PLAGL1: variants seen among roughly 807,000 people sequenced by gnomAD.
The protein encoded by PLAGL1 is zinc finger protein PLAGL1.
PLAGL1 carries 1 observed loss-of-function variant against 4.6 expected under a neutral mutation model. That is an observed-to-expected ratio of 0.22 (90% CI 0.08 to 1.03). PLAGL1 has a LOEUF of 1.03. Among genes scored for constraint, PLAGL1 ranks in the 50% least tolerant of loss-of-function variants. PLAGL1 has a pLI of 0.58. For synonymous variants in PLAGL1, 240 were observed against 237.8 expected (o/e 1.01, Z -0.08); for missense variants, 464 against 570.4 (o/e 0.81, Z 1.90).
rs1785237632 is a variant in PLAGL1, at chr6:143,970,595, G to A, written c.-543-1617C>T. Among the ~76,000 whole-genome samples the A allele has an allele frequency of 6.6e-6, 1 of 152,058 alleles. No individual in the cohort carries two copies. The highest frequency in any genetic ancestry group is 1.5e-5 in the Non-Finnish European group (1 of 67,998). On this transcript the variant is annotated intron_variant, in intron 2 of 7. Transcript: ENST00000674357. The surrounding 1 kb of genome is among the most constrained non-coding windows in gnomAD (Gnocchi z 5.8). Reference sequence around the variant, plus strand: ...ACGTTTATTAGGGCTGCTTTATTTGGTCAGTCTGGGTGGACGGGAAACTGT... The same window carrying A: ...ACGTTTATTAGGGCTGCTTTATTTGATCAGTCTGGGTGGACGGGAAACTGT...
chr6:143,951,701 C>T (rs759683071), intron 6 of PLAGL1, among the ~76,000 whole-genome samples: 10 of 152,184 alleles, frequency 6.6e-5, no homozygotes, highest in Admixed American at 2.0e-4. Context: ...TTAGACATGG[C>T]CATGGTTTAA....
rs1168843033 is a variant in PLAGL1 at position 143,957,293 on chromosome 6, G to A, written c.-325+3176C>T. Among the ~76,000 whole-genome samples the A allele has an allele frequency of 9.4e-6, 1 of 106,176 alleles. No individual in the cohort carries two copies. Among genetic ancestry groups the A allele is most frequent in the African/African-American group, 3.1e-5 (1 of 32,770 alleles). 69.7% of individuals were successfully genotyped at this position (106,176 alleles called of 152,430 possible). ...TATTTATGAATGAAGACTCTCAGGA[G>A]TCTGGTGGGGGGGTGAGGGGTGGAG... On this transcript the variant is annotated intron_variant, in intron 6 of 7. Transcript: ENST00000674357. The surrounding 1 kb of genome is among the most constrained non-coding windows in gnomAD (Gnocchi z 4.2).
rs1778327534 is a variant in PLAGL1 at position 143,940,351 on chromosome 6, C to A, written c.*1073G>T. The A allele has an allele frequency of 6.6e-6, 1 of 152,046 alleles. No individual in the cohort carries two copies. Among genetic ancestry groups the A allele is most frequent in the Non-Finnish European group, 1.5e-5 (1 of 68,016 alleles). The allele number at this position is 152,046 out of a possible 1,614,324, so 9.4% of individuals were successfully genotyped here. On this transcript the variant is annotated 3_prime_UTR_variant, in exon 8 of 8. Transcript: ENST00000674357. The stretch of plus-strand genomic sequence containing the variant: ...TGTAAGATATATGTTTACGGAAAAG[C>A]CTCTAAAAACATAAGACAATGGAGC...
rs964412805 is a variant in PLAGL1 at position 144,061,038 on chromosome 6, T to C, written c.-151+3430A>G. On this transcript the variant is annotated intron_variant, in intron 1 of 3. Transcript: ENST00000437412. The surrounding 1 kb of genome is among the most constrained non-coding windows in gnomAD (Gnocchi z 4.4). Reference sequence around the variant, plus strand: ...CCTGCCCCCAAAAGGAGACCTCCACTTATAAGCCTCAGAAAGAAAAATGTA... The same window carrying C: ...CCTGCCCCCAAAAGGAGACCTCCACCTATAAGCCTCAGAAAGAAAAATGTA... 9.9e-5 allele frequency among the ~76,000 whole-genome samples: 15 copies of C among 152,218 alleles called. No homozygotes were observed. Among genetic ancestry groups the C allele is most frequent in the Non-Finnish European group, 1.3e-4 (9 of 68,040 alleles).
rs1045761871 is a variant in PLAGL1 at position 143,999,703 on chromosome 6, T to C, written c.-584+8387A>G. 3.3e-5 allele frequency among the ~76,000 whole-genome samples: 5 copies of C among 152,194 alleles called. 1 individual carries two copies. Among genetic ancestry groups the C allele is most frequent in the Admixed American group, 3.3e-4 (5 of 15,274 alleles). ...CACTTTATGACTCATGAATATTACA[T>C]GAAAAAATTAAAACAGTAAATTAAA... On this transcript the variant is annotated intron_variant, in intron 1 of 7. Transcript: ENST00000674357.
chr6:144,030,473 T>A, intron 1 of PLAGL1, among the ~76,000 whole-genome samples: 1 of 152,124 alleles, frequency 6.6e-6, no homozygotes, highest in South Asian at 2.1e-4. Context: ...TTACCCAATG[T>A]GTAGTCTTTT....
At position 143,948,360 on chromosome 6, in the gene PLAGL1, T is replaced by A. The variant is rs1196374510; in HGVS notation, c.-224A>T. On this transcript the variant is annotated 5_prime_UTR_variant, in exon 7 of 8. An upstream open reading frame in the 5' UTR loses its in-frame stop. Transcript: ENST00000674357. This position sits in a 1 kb window ranked among gnomAD's most constrained non-coding sequence, Gnocchi z 6.0. ...CACACATCCCAGTTTACATGCAGTC[T>A]CAAGCTGAGGGGAGAAAGTCTGAGG... 2.0e-6 allele frequency: 1 copy of A among 499,990 alleles called. No homozygotes were observed. Among genetic ancestry groups the A allele is most frequent in the Non-Finnish European group, 3.6e-6 (1 of 275,510 alleles). 31.0% of individuals were successfully genotyped at this position (499,990 alleles called of 1,614,324 possible).
In PLAGL1 at chr6:143,970,889, G is replaced by A. The variant is rs538208943; in HGVS notation, c.-543-1911C>T. Among the ~76,000 whole-genome samples the A allele has an allele frequency of 6.6e-6, 1 of 152,202 alleles. No individual in the cohort carries two copies. Among genetic ancestry groups the A allele is most frequent in the South Asian group, 2.1e-4 (1 of 4,816 alleles). On this transcript the variant is annotated intron_variant, in intron 2 of 7. Coordinates refer to ENST00000674357, the MANE Select transcript of PLAGL1 (RefSeq NM_001317162.2). The surrounding 1 kb of genome is among the most constrained non-coding windows in gnomAD (Gnocchi z 5.8). Reference sequence around the variant, plus strand: ...TTAACTGCAGTTACTTCCCTGGCCTGTCTGTAGTTCTTTTTTATTAATGTA... The same window carrying A: ...TTAACTGCAGTTACTTCCCTGGCCTATCTGTAGTTCTTTTTTATTAATGTA...
At chr6:144,012,791 C>T (rs147883678), upstream of PLAGL1, among the ~76,000 whole-genome samples, 481 of 152,254 alleles carry the variant, frequency 3.2e-3, 1 homozygote, top group Non-Finnish European at 3.1e-3. The surrounding 1 kb of genome is among the most constrained non-coding windows in gnomAD (Gnocchi z 4.8). Flanking sequence ...GCTTCTGGAG[C>T]AGGGGTTGCA....
At chr6:144,021,827 CTA>C (rs1472614577) in intron 1 of PLAGL1, among the ~76,000 whole-genome samples, 1 of 152,160 alleles carries the variant, frequency 6.6e-6, no homozygotes, top group Non-Finnish European at 1.5e-5. Flanking sequence ...GGAGATCTAA[CTA>C]TACATTGGTA....
chr6:143,971,298 T>TA lies in PLAGL1; in HGVS notation c.-543-2321dup, dbSNP rs1283947408. On this transcript the variant is annotated intron_variant, in intron 2 of 7. Coordinates refer to ENST00000674357, the MANE Select transcript of PLAGL1 (RefSeq NM_001317162.2). This position sits in a 1 kb window ranked among gnomAD's most constrained non-coding sequence, Gnocchi z 4.7. ...TTCACAAATGTGTAAACCTCTATTT[T>TA]AAATTTTACCTCTACCATTAATCAA... Among the ~76,000 whole-genome samples, 3 of 152,210 alleles carry TA rather than the reference T, an allele frequency of 2.0e-5. No individual in the cohort carries two copies. The highest frequency in any genetic ancestry group is 4.4e-5 in the Non-Finnish European group (3 of 68,036).
Position 143,947,978 on chromosome 6 carries a change from C to T in PLAGL1, c.152+7G>A, listed in dbSNP as rs918627340. 1.9e-6 allele frequency: 3 copies of T among 1,574,694 alleles called. No individual in the cohort carries two copies. The East Asian group carries it at 6.7e-5, about 35-fold the overall frequency. On this transcript the variant is annotated splice_region_variant and intron_variant, in intron 7 of 7. Transcript: ENST00000674357. This position sits in a 1 kb window ranked among gnomAD's most constrained non-coding sequence, Gnocchi z 4.3. ...TAAAAGTGCATACCTTTGCCAAAGCCTCTCACCTCATCAATTTATATCTGG... is the reference window on the plus strand; with the variant it reads ...TAAAAGTGCATACCTTTGCCAAAGCTTCTCACCTCATCAATTTATATCTGG...
At position 144,061,971 on chromosome 6, in the gene PLAGL1, C is replaced by T. The variant is rs2128732888; in HGVS notation, c.-151+2497G>A. Among the ~76,000 whole-genome samples, 1 of 152,310 alleles carries T rather than the reference C, an allele frequency of 6.6e-6. No individual in the cohort carries two copies. Among genetic ancestry groups the T allele is most frequent in the East Asian group, 1.9e-4 (1 of 5,186 alleles). On this transcript the variant is annotated intron_variant, in intron 1 of 3. Coordinates refer to the PLAGL1 transcript ENST00000437412. The surrounding 1 kb of genome is among the most constrained non-coding windows in gnomAD (Gnocchi z 4.4). Reference sequence around the variant, plus strand: ...CTATGAATGTAGGACCCATTTTGAGCTTTTTCTTTTTTGTTTGTTTTGTTT... The same window carrying T: ...CTATGAATGTAGGACCCATTTTGAGTTTTTTCTTTTTTGTTTGTTTTGTTT...
At position 143,949,728 on chromosome 6, in the gene PLAGL1, T is replaced by G. The variant is rs1438788729; in HGVS notation, c.-324-1268A>C. 6.6e-6 allele frequency among the ~76,000 whole-genome samples: 1 copy of G among 152,202 alleles called. No individual in the cohort carries two copies. Among genetic ancestry groups the G allele is most frequent in the African/African-American group, 2.4e-5 (1 of 41,460 alleles). On this transcript the variant is annotated intron_variant, in intron 6 of 7. Transcript: ENST00000674357. This position sits in a 1 kb window ranked among gnomAD's most constrained non-coding sequence, Gnocchi z 5.3. Reference sequence around the variant, plus strand: ...GTCCACAGGCCAGCATTTGCTGAACTTTGCCAGTAAGCAGGGCACTTCATG... The same window carrying G: ...GTCCACAGGCCAGCATTTGCTGAACGTTGCCAGTAAGCAGGGCACTTCATG...
chr6:143,992,061 C>T (rs974407931), intron 1 of PLAGL1, among the ~76,000 whole-genome samples: 7 of 152,294 alleles, frequency 4.6e-5, no homozygotes, highest in Admixed American at 1.3e-4. Flanking sequence ...ATATTTTGGA[C>T]TTCGTTGGTT....
chr6:143,946,754 G>A (rs9496826), intron 7 of PLAGL1, among the ~76,000 whole-genome samples: 6,925 of 152,258 alleles, frequency 0.045, 512 homozygotes, highest in African/African-American at 0.15. Context: ...CTCTCCAGGC[G>A]TTTGTATGTG....
At chr6:144,002,920 T>A in intron 1 of PLAGL1, among the ~76,000 whole-genome samples, 1 of 150,052 alleles carries the variant, frequency 6.7e-6, no homozygotes, top group South Asian at 2.1e-4. Context: ...GACAAGCACA[T>A]TTGAAAATTT....
Position 143,941,577 on chromosome 6 carries a change from G to A in PLAGL1, c.1239C>T (p.His413=). The change falls in exon 8 of 8, where the codon CAC becomes CAT. Residue 413 remains histidine (H), a synonymous_variant. Coordinates refer to ENST00000674357, the MANE Select transcript of PLAGL1 (RefSeq NM_001317162.2). The surrounding 1 kb of genome is among the most constrained non-coding windows in gnomAD (Gnocchi z 6.0). ...LALGPGESLP[H]RLSCLGQQQQ... ...GCTGCTGCCCCAGACAGCTTAACCTGTGGGGCAAAGATTCCCCAGGCCCCA... is the reference window on the plus strand; with the variant it reads ...GCTGCTGCCCCAGACAGCTTAACCTATGGGGCAAAGATTCCCCAGGCCCCA... 1 of 1,604,846 alleles carries A rather than the reference G, an allele frequency of 6.2e-7. No homozygotes were observed. Among genetic ancestry groups the A allele is most frequent in the East Asian group, 2.2e-5 (1 of 44,798 alleles).
intron 2 of PLAGL1, among the ~76,000 whole-genome samples, chr6:143,974,904 CT>C (rs1786171477): frequency 6.6e-6 from 1 of 152,182 alleles, no homozygotes; most frequent in African/African-American, 2.4e-5. Context: ...AAAAATACTA[CT>C]GAAAGAAAGT....
Sources: allele counts gnomAD v4.1 joint callset (sites outside exome capture counted in the v4.1 genomes callset), GRCh38; gene constraint gnomAD v4.1.1; non-coding constraint Gnocchi (gnomAD v3.1); transcripts MANE v1.5; gene names NCBI Gene and HGNC (gene_info 2026-07-23, HGNC 2026-07-21).